TET3: variants seen among roughly 807,000 people sequenced by gnomAD.
The protein encoded by TET3 is methylcytosine dioxygenase TET3.
TET3 carries 19 observed loss-of-function variants against 141.4 expected under a neutral mutation model. The observed-to-expected ratio is 0.13, with a 90% CI of 0.09 to 0.20. The LOEUF is 0.20. Ranked by LOEUF, TET3 falls within the 10% of genes least tolerant of loss-of-function variation. TET3 has a pLI of 1.00. For synonymous variants in TET3, 1,043 were observed against 980.9 expected (o/e 1.06, Z -1.18); for missense variants, 1,874 against 2,356.9 (o/e 0.80, Z 4.24).
chr2:74,076,656 A>G (rs962751314), intron 5 of TET3, among the ~76,000 whole-genome samples: 8 of 136,182 alleles, frequency 5.9e-5, no homozygotes, highest in Non-Finnish European at 1.3e-4. Context: ...TGTTAGTTTT[A>G]TCTTATAGAT....
intron 4 of TET3, among the ~76,000 whole-genome samples, chr2:74,060,889 A>G (rs917446672): frequency 2.0e-5 from 3 of 152,342 alleles, no homozygotes; most frequent in Admixed American, 6.5e-5. Flanking sequence ...TACAGAACAA[A>G]GTGAAAAGTC....
intron 10 of TET3, among the ~76,000 whole-genome samples, chr2:74,095,340 G>A (rs1690760883): frequency 6.6e-6 from 1 of 152,200 alleles, no homozygotes; most frequent in African/African-American, 2.4e-5. Flanking sequence ...GTGTTAGAGA[G>A]ACGAAGGAGC....
At chr2:74,048,556 A>G in intron 4 of TET3, 145 bp downstream of exon 4, 3 of 934,210 alleles carry the variant, frequency 3.2e-6, no homozygotes, top group Non-Finnish European at 4.7e-6. Flanking sequence ...ATGAGCTCAT[A>G]GCCTAGTGGA....
At position 74,047,699 on chromosome 2, in the gene TET3, A is replaced by G. The variant is rs765516472; in HGVS notation, c.1782A>G (p.Lys594=). The G allele has an allele frequency of 3.7e-6, 6 of 1,613,470 alleles. No individual in the cohort carries two copies. Among genetic ancestry groups the G allele is most frequent in the Non-Finnish European group, 5.1e-6 (6 of 1,179,658 alleles). ...TPAGGPVGTE[K]AAPGIKPSVR... The stretch of plus-strand genomic sequence containing the variant: ...CTGGAGGTCCCGTGGGAACGGAGAA[A>G]GCTGCCCCTGGGATCAAGCCCAGTG... The change falls in exon 4 of 12, where the codon AAA becomes AAG. Residue 594 remains lysine, a synonymous_variant. Transcript: ENST00000409262.
At chr2:74,127,387 C>T in the TET3 span, among the ~76,000 whole-genome samples, 1 of 152,102 alleles carries the variant, frequency 6.6e-6, no homozygotes, top group Non-Finnish European at 1.5e-5. Context: ...GTTAATAAAG[C>T]CTCTCATCTT....
In TET3 at chr2:74,047,999, A is replaced by G. The variant is rs1687738658; in HGVS notation, c.2082A>G (p.Pro694=). The G allele has an allele frequency of 1.2e-6, 2 of 1,609,112 alleles. No individual in the cohort carries two copies. Among genetic ancestry groups the G allele is most frequent in the East Asian group, 2.2e-5 (1 of 44,860 alleles). ...RSPSPMTALQ[P]GSTGPLPPAD... is the part of the protein sequence containing the mutation. ...CCAGCCCCATGACAGCCTTGCAGCC[A>G]GGCTCCACTGGCCCTCTTCCCCCTG... Residue 694 remains proline (P), a synonymous_variant, in exon 4 of 12, where the codon CCA becomes CCG. Transcript: ENST00000409262.
intron 4 of TET3, among the ~76,000 whole-genome samples, chr2:74,052,410 C>G (rs557918838): frequency 1.3e-4 from 20 of 152,186 alleles, no homozygotes; most frequent in African/African-American, 4.6e-4. Flanking sequence ...CATCCCCTCA[C>G]CAGTGGTAGG....
intron 4 of TET3, among the ~76,000 whole-genome samples, chr2:74,065,600 T>TTCCGTCCG (rs112413159): frequency 1.5e-5 from 2 of 130,880 alleles, no homozygotes; most frequent in African/African-American, 3.0e-5. Flanking sequence ...CCGTCCTTCC[T>TTCCGTCCG]TCCGTCCGTC....
At position 74,093,159 on chromosome 2, in the gene TET3, A is replaced by G. The variant is rs1347028551; in HGVS notation, c.3129+168A>G. ...TCTTTGATAAAAACCCCTTTTTTAC[A>G]CCAGGCTACCTGCATCCCACACCGT... On this transcript the variant is annotated intron_variant, in intron 9 of 11. Coordinates refer to ENST00000409262, the MANE Select transcript of TET3 (RefSeq NM_001287491.2). This position sits in a 1 kb window ranked among gnomAD's most constrained non-coding sequence, Gnocchi z 4.2. Among the ~76,000 whole-genome samples, 1 of 152,056 alleles carries G rather than the reference A, an allele frequency of 6.6e-6. No individual in the cohort carries two copies. The highest frequency in any genetic ancestry group is 1.5e-5 in the Non-Finnish European group (1 of 67,986).
At chr2:73,985,331 G>A (rs865948029) in intron 1 of TET3, among the ~76,000 whole-genome samples, 174 bp downstream of exon 1, 1 of 142,240 alleles carries the variant, frequency 7.0e-6, no homozygotes, top group Non-Finnish European at 1.6e-5. Flanking sequence ...GAGCCGGGCG[G>A]GGGTGGCGGG....
At chr2:73,997,297 C>G (rs934084649) in intron 2 of TET3, among the ~76,000 whole-genome samples, 4 of 152,178 alleles carry the variant, frequency 2.6e-5, no homozygotes, top group African/African-American at 4.8e-5. Context: ...AGTTTTTCTT[C>G]TGGGGAGGAC....
intron 5 of TET3, among the ~76,000 whole-genome samples, chr2:74,080,168 C>T (rs1017208414): frequency 6.6e-6 from 1 of 152,162 alleles, no homozygotes; most frequent in African/African-American, 2.4e-5. Flanking sequence ...ATACAAATGC[C>T]CATGTTTAGC....
intron 3 of TET3, among the ~76,000 whole-genome samples, chr2:74,019,017 C>T (rs556150992): frequency 3.3e-5 from 5 of 152,108 alleles, no homozygotes; most frequent in African/African-American, 1.2e-4. Context: ...GAGGCTGAGG[C>T]GGGAAGACTG....
chr2:74,099,042 G>C (rs934557295), intron 10 of TET3, among the ~76,000 whole-genome samples: 1 of 152,194 alleles, frequency 6.6e-6, no homozygotes, highest in African/African-American at 2.4e-5. Context: ...GCCTTCTTAG[G>C]ATCATAGGAG....
intron 3 of TET3, among the ~76,000 whole-genome samples, chr2:74,012,477 C>T (rs1331945434): frequency 1.3e-5 from 2 of 152,174 alleles, no homozygotes; most frequent in African/African-American, 2.4e-5. Context: ...TCTTAGTTTT[C>T]AGGACAGCTC....
At chr2:73,990,773 A>G (rs1306921616) in intron 2 of TET3, among the ~76,000 whole-genome samples, 1 of 152,234 alleles carries the variant, frequency 6.6e-6, no homozygotes, top group African/African-American at 2.4e-5. Flanking sequence ...TTTCAACAAT[A>G]TCAGAACACC....
chr2:74,101,697 G>A lies in TET3; in HGVS notation c.4909G>A (p.Glu1637Lys). Reference sequence around the variant, plus strand: ...TGGTGGTGCGGAGGAGGAAGAGGAGGAGCTGTGGTCGGACAGTGAACACAA... The same window carrying A: ...TGGTGGTGCGGAGGAGGAAGAGGAGAAGCTGTGGTCGGACAGTGAACACAA... ...GGGGAEEEEE[E>K]LWSDSEHNFL... Residue 1637 changes from glutamate (E) to lysine (K), a missense_variant, in exon 12 of 12, where the codon GAG becomes AAG. This residue lies in a region of TET3 where 41 missense variants were observed against 116.8 expected (regional missense o/e 0.35). Transcript: ENST00000409262. The surrounding 1 kb of genome is among the most constrained non-coding windows in gnomAD (Gnocchi z 8.5). 6.2e-7 allele frequency: 1 copy of A among 1,613,642 alleles called. No individual in the cohort carries two copies. Among genetic ancestry groups the A allele is most frequent in the African/African-American group, 1.3e-5 (1 of 75,054 alleles).
At chr2:74,004,276 G>A (rs1240029084) in intron 3 of TET3, among the ~76,000 whole-genome samples, 1 of 152,156 alleles carries the variant, frequency 6.6e-6, no homozygotes, top group Non-Finnish European at 1.5e-5. Flanking sequence ...AGGTGGGTGA[G>A]CTGCAAGTGT....
chr2:74,052,035 A>G (rs974348765), intron 4 of TET3, among the ~76,000 whole-genome samples: 3 of 152,238 alleles, frequency 2.0e-5, no homozygotes, highest in African/African-American at 7.2e-5. Flanking sequence ...GCTGGAGTGC[A>G]GTGGCGTGAT....
Sources: gnomAD v4.1 joint callset for allele counts (sites outside exome capture counted in the v4.1 genomes callset) on GRCh38, gnomAD v4.1.1 for gene constraint, gnomAD v4.1.1 regional missense constraint, Gnocchi (gnomAD v3.1) non-coding constraint, MANE v1.5 for transcripts, NCBI Gene and HGNC (gene_info 2026-07-23, HGNC 2026-07-21) for gene names.